Variants in TRIO observed in about 807,000 individuals in gnomAD.
TRIO encodes the protein trio Rho guanine nucleotide exchange factor.
Under a neutral mutation model 351.9 loss-of-function variants are expected in TRIO, and 58 were observed. That is an observed-to-expected ratio of 0.16 (90% confidence interval 0.13 to 0.21). The LOEUF (loss-of-function observed/expected upper bound fraction) is 0.21. Among genes scored for constraint, TRIO ranks in the 10% least tolerant of loss-of-function variants. The pLI is 1.00. For synonymous variants in TRIO, 1,758 were observed against 1,595.7 expected (o/e 1.10, Z -2.42); for missense variants, 3,201 against 4,027.8 (o/e 0.79, Z 5.56).
intron 34 of TRIO, among the ~76,000 whole-genome samples, chr5:14,446,159 T>C (rs550365351): frequency 2.5e-4 from 36 of 142,790 alleles, no homozygotes; most frequent in African/African-American, 8.5e-4. Flanking sequence ...CCTCGCTCCC[T>C]TCCTCTATCC....
intron 34 of TRIO, among the ~76,000 whole-genome samples, chr5:14,439,831 T>TGTA (rs1561492567): frequency 2.6e-5 from 4 of 152,206 alleles, no homozygotes; most frequent in Non-Finnish European, 4.4e-5. Context: ...GACTCCCCTC[T>TGTA]GCAGCAGTTG....
At chr5:14,231,017 A>G (rs1053593612) in intron 1 of TRIO, among the ~76,000 whole-genome samples, 9 of 152,204 alleles carry the variant, frequency 5.9e-5, no homozygotes, top group Non-Finnish European at 1.2e-4. Context: ...GCCAATGCCT[A>G]GTTCTTGTGT....
In TRIO at chr5:14,498,538, C is replaced by G. The variant is rs1757053788; in HGVS notation, c.8230C>G (p.Leu2744Val). 6.2e-7 allele frequency: 1 copy of G among 1,614,150 alleles called. No individual in the cohort carries two copies. The highest frequency in any genetic ancestry group is 8.5e-7 in the Non-Finnish European group (1 of 1,179,980). Residue 2744 changes from leucine to valine, a missense_variant, in exon 53 of 57, where the codon CTG becomes GTG. By Grantham distance (32) the Leu-to-Val change is conservative. Transcript: ENST00000344204. The stretch of plus-strand genomic sequence containing the variant: ...CCGCAGTGACCTGGGAGAGGCCACG[C>G]TGAAGATTGTGGGCGTGACCACGGA... ...ISYSDLGEAT[L>V]KIVGVTTEDD...
chr5:14,474,243 G>A (rs1309277885), intron 40 of TRIO, 146 bp downstream of exon 40: 6 of 647,410 alleles, frequency 9.3e-6, no homozygotes, highest in Non-Finnish European at 1.3e-5. Flanking sequence ...AGATATTGAT[G>A]TACCCAGGAG....
intron 23 of TRIO, among the ~76,000 whole-genome samples, chr5:14,388,209 A>C (rs1363676694): frequency 6.6e-6 from 1 of 152,204 alleles, no homozygotes; most frequent in Non-Finnish European, 1.5e-5. Context: ...AGAGTGCTCT[A>C]ATCCAGTGGT....
At chr5:14,303,413 G>A (rs1160165697) in intron 7 of TRIO, among the ~76,000 whole-genome samples, 1 of 144,622 alleles carries the variant, frequency 6.9e-6, no homozygotes, top group Non-Finnish European at 1.5e-5. Context: ...GATGATCCTG[G>A]AGATGGAGGG....
At chr5:14,320,609 G>T (rs942131474) in intron 9 of TRIO, among the ~76,000 whole-genome samples, 1 of 152,128 alleles carries the variant, frequency 6.6e-6, no homozygotes, top group African/African-American at 2.4e-5. Context: ...TTTAAAAAAT[G>T]ATCAGGCAAA....
intron 1 of TRIO, among the ~76,000 whole-genome samples, chr5:14,164,694 C>A (rs1281116792): frequency 1.3e-5 from 2 of 152,116 alleles, no homozygotes; most frequent in African/African-American, 4.8e-5. Flanking sequence ...AAACTTTTAC[C>A]TTTGGTCAAA....
Position 14,474,725 on chromosome 5 carries a change from C to T in TRIO, c.6083+628C>T, listed in dbSNP as rs775350750. Among the ~76,000 whole-genome samples, 8 of 152,160 alleles carry T rather than the reference C, an allele frequency of 5.3e-5. No homozygotes were observed. The South Asian group carries it at 1.0e-3, about 20-fold the overall frequency. On this transcript the variant is annotated intron_variant, in intron 40 of 56. Transcript: ENST00000344204. ...GTCACCAAACTGGAGTGTAATAGTG[C>T]GATCATAGCTCACTGCAGCCTTGAA...
intron 1 of TRIO, among the ~76,000 whole-genome samples, chr5:14,215,467 T>C (rs543500624): frequency 3.3e-5 from 5 of 152,234 alleles, no homozygotes; most frequent in African/African-American, 4.8e-5. Context: ...ACTTGATTTT[T>C]TTCCTTCAGC....
Position 14,362,881 on chromosome 5 carries a change from A to G in TRIO, c.2392-851A>G, listed in dbSNP as rs190348543. On this transcript the variant is annotated intron_variant, in intron 13 of 56. Coordinates refer to ENST00000344204, the MANE Select transcript of TRIO (RefSeq NM_007118.4). ...GAATGTGAAAACAATTTTCAATTTT[A>G]TTATTCTTTCTGCATTTAATAGCTA... 1.1e-4 allele frequency among the ~76,000 whole-genome samples: 17 copies of G among 152,104 alleles called. No homozygotes were observed. In the East Asian group the frequency reaches 1.7e-3, roughly 16 times the overall value.
Position 14,283,806 on chromosome 5 carries a change from C to T in TRIO, c.348-3065C>T, listed in dbSNP as rs1383345559. ...AACAATTGTAGTAACAAGGTGAGTT[C>T]ATAAGATTCATTTGCAATGAAACTT... On this transcript the variant is annotated intron_variant, in intron 3 of 56. Transcript: ENST00000344204. 1.1e-4 allele frequency among the ~76,000 whole-genome samples: 16 copies of T among 151,970 alleles called. No homozygotes were observed. In the East Asian group the frequency reaches 3.1e-3, roughly 29 times the overall value.
chr5:14,281,903 G>C lies in TRIO; in HGVS notation c.347+1467G>C, dbSNP rs1221240447. On this transcript the variant is annotated intron_variant, in intron 3 of 56. Transcript: ENST00000344204. ...AATGGGTTTCAGGGGTTGTGGTAAA[G>C]GTAATAGATCTACCACAGCACGTGG... Among the ~76,000 whole-genome samples the C allele has an allele frequency of 5.3e-5, 8 of 152,182 alleles. No homozygotes were observed. In the East Asian group the frequency reaches 9.6e-4, roughly 18 times the overall value.
intron 34 of TRIO, among the ~76,000 whole-genome samples, chr5:14,436,186 G>A (rs1196459238): frequency 6.6e-6 from 1 of 152,172 alleles, no homozygotes; most frequent in Non-Finnish European, 1.5e-5. Flanking sequence ...GACTGGGGAG[G>A]CGTCACAATC....
chr5:14,288,485 G>T lies in TRIO; in HGVS notation c.540+1422G>T, dbSNP rs572810236. The stretch of plus-strand genomic sequence containing the variant: ...AGATTGAGACCATCCTGGCTAACAC[G>T]GTGAAACCCCATCTCTACTAAAATA... On this transcript the variant is annotated intron_variant, in intron 4 of 56. Coordinates refer to ENST00000344204, the MANE Select transcript of TRIO (RefSeq NM_007118.4). 3.3e-5 allele frequency among the ~76,000 whole-genome samples: 5 copies of T among 152,182 alleles called. No homozygotes were observed. In the South Asian group the frequency reaches 8.3e-4, roughly 25 times the overall value.
At chr5:14,278,941 C>T (rs565928393) in intron 2 of TRIO, among the ~76,000 whole-genome samples, 1 of 152,314 alleles carries the variant, frequency 6.6e-6, no homozygotes, top group South Asian at 2.1e-4. Context: ...GAAGACCTAG[C>T]GATGACAGTG....
At chr5:14,205,681 T>G (rs956334263) in intron 1 of TRIO, among the ~76,000 whole-genome samples, 1 of 152,246 alleles carries the variant, frequency 6.6e-6, no homozygotes, top group Non-Finnish European at 1.5e-5. Context: ...AGTTGGTTTC[T>G]TACTAATGAA....
intron 21 of TRIO, 73 bp from the exon 22 acceptor site, chr5:14,387,365 G>A: frequency 1.4e-6 from 2 of 1,479,582 alleles, no homozygotes; most frequent in Non-Finnish European, 9.1e-7. Flanking sequence ...TTGGAGTCAA[G>A]TCGCCACTGT....
intron 1 of TRIO, among the ~76,000 whole-genome samples, chr5:14,168,491 T>G (rs1311424575): frequency 6.6e-6 from 1 of 152,256 alleles, no homozygotes; most frequent in Non-Finnish European, 1.5e-5. Flanking sequence ...ATAAATCGGT[T>G]CATTTCTCCT....
Sources: allele counts gnomAD v4.1 joint callset (sites outside exome capture counted in the v4.1 genomes callset), GRCh38; gene constraint gnomAD v4.1.1; transcripts MANE v1.5; gene names NCBI Gene and HGNC (gene_info 2026-07-23, HGNC 2026-07-21).